The following CUBN variants were observed in gnomAD, a reference collection of about 807,000 sequenced individuals.
The protein encoded by CUBN is 460 kDa receptor.
A neutral mutation model predicts 405.3 loss-of-function variants in CUBN; 282 were observed. That is an observed-to-expected ratio of 0.70 (90% CI 0.63 to 0.77). CUBN has a LOEUF of 0.77. Ranked by LOEUF, CUBN falls within the 30% of genes least tolerant of loss-of-function variation. CUBN has a pLI of 0.00. For missense variants in CUBN, 4,514 were observed against 4,475.2 expected (o/e 1.01, Z -0.25); for synonymous variants, 1,684 against 1,617.0 (o/e 1.04, Z -0.99).
intron 64 of CUBN, 143 bp from the exon 65 acceptor site, chr10:16,831,560 T>G (rs1407520299): frequency 5.3e-6 from 4 of 751,876 alleles, no homozygotes. Flanking sequence ...TTTCTGAAAA[T>G]ACATGCAGAA....
At chr10:16,906,695 G>A (rs1470150333) in intron 49 of CUBN, among the ~76,000 whole-genome samples, 1 of 152,144 alleles carries the variant, frequency 6.6e-6, no homozygotes, top group Non-Finnish European at 1.5e-5. Context: ...GAGGCCTACT[G>A]TTCATTAATA....
chr10:16,998,994 A>G (rs775349464), intron 28 of CUBN, among the ~76,000 whole-genome samples: 8 of 152,222 alleles, frequency 5.3e-5, no homozygotes, highest in Non-Finnish European at 1.2e-4. Context: ...ACTAATTTCT[A>G]TACAGCAGTG....
rs538965955 is a variant in CUBN, at chr10:16,847,227, C to T, written c.9663+4008G>A. ...CAGCACTTTGGGAGGCCGAGGCGGG[C>T]GGATCCCAAGGTCAGGACATCGAGA... On this transcript the variant is annotated intron_variant, in intron 60 of 66. Coordinates refer to ENST00000377833, the MANE Select transcript of CUBN (RefSeq NM_001081.4). Among the ~76,000 whole-genome samples, 51 of 152,150 alleles carry T rather than the reference C, an allele frequency of 3.4e-4. No individual in the cohort carries two copies. The South Asian group carries it at 8.9e-3, about 27-fold the overall frequency.
chr10:16,903,625 T>C (rs1040517715), intron 51 of CUBN, among the ~76,000 whole-genome samples: 1 of 147,956 alleles, frequency 6.8e-6, no homozygotes, highest in Non-Finnish European at 1.5e-5. Flanking sequence ...ACAAAATAAT[T>C]TTAAAATTAT....
intron 6 of CUBN, among the ~76,000 whole-genome samples, chr10:17,115,995 C>T (rs1836886582): frequency 6.6e-6 from 1 of 152,166 alleles, no homozygotes; most frequent in African/African-American, 2.4e-5. Flanking sequence ...GCACAGGCAA[C>T]GTGGGCTACA....
At chr10:17,055,728 C>G (rs1401785992) in intron 22 of CUBN, among the ~76,000 whole-genome samples, 1 of 152,006 alleles carries the variant, frequency 6.6e-6, no homozygotes, top group East Asian at 1.9e-4. Flanking sequence ...TAGAAACATG[C>G]ACAAACTCTA....
chr10:16,940,599 A>G (rs1308106408), intron 36 of CUBN, among the ~76,000 whole-genome samples: 1 of 152,222 alleles, frequency 6.6e-6, no homozygotes, highest in Non-Finnish European at 1.5e-5. Context: ...GCTCTGCAAT[A>G]GCTTGATGGG....
chr10:16,884,283 ACTAT>A (rs1840748677), intron 56 of CUBN, among the ~76,000 whole-genome samples: 1 of 152,202 alleles, frequency 6.6e-6, no homozygotes, highest in East Asian at 1.9e-4. Context: ...TGCCCGGCCT[ACTAT>A]CTAATTTTAA....
chr10:17,062,242 A>G (rs1165095972), intron 22 of CUBN, among the ~76,000 whole-genome samples: 1 of 152,212 alleles, frequency 6.6e-6, no homozygotes, highest in Non-Finnish European at 1.5e-5. Flanking sequence ...TGCAGTTTGA[A>G]AAGCACTGGA....
rs1836722137 is a variant in CUBN, at chr10:17,109,660, G to A, written c.1091C>T (p.Ala364Val). ...SVSNGGCHPD[A>V]SCSSTLGSLP... ...ATTACCTAGAGTTGAGGAGCATGAGGCATCTGGGTGGCAGCCTCCATTACT... is the reference window on the plus strand; with the variant it reads ...ATTACCTAGAGTTGAGGAGCATGAGACATCTGGGTGGCAGCCTCCATTACT... Residue 364 changes from alanine to valine, a missense_variant, in exon 10 of 67, where the codon GCC becomes GTC. By Grantham distance (64) the Ala-to-Val change is moderately conservative. Transcript: ENST00000377833. 1.9e-6 allele frequency: 3 copies of A among 1,613,684 alleles called. No homozygotes were observed. The highest frequency in any genetic ancestry group is 1.3e-5 in the African/African-American group (1 of 74,878).
At chr10:16,896,203 A>C (rs1370410258) in intron 54 of CUBN, among the ~76,000 whole-genome samples, 2 of 152,154 alleles carry the variant, frequency 1.3e-5, no homozygotes, top group Non-Finnish European at 2.9e-5. Flanking sequence ...TATGATTCAC[A>C]AGCTTTATGG....
At chr10:16,865,832 T>A (rs1045386117) in intron 59 of CUBN, among the ~76,000 whole-genome samples, 2 of 152,064 alleles carry the variant, frequency 1.3e-5, no homozygotes, top group African/African-American at 4.8e-5. Context: ...TTTTTGCTCT[T>A]TACAATAAAC....
At chr10:16,884,902 T>G (rs1840767916) in intron 56 of CUBN, among the ~76,000 whole-genome samples, 1 of 152,164 alleles carries the variant, frequency 6.6e-6, no homozygotes, top group Non-Finnish European at 1.5e-5. Context: ...CTGGCTCTGC[T>G]GGGATCCTGG....
At chr10:16,931,097 A>C (rs1184783143) in intron 40 of CUBN, among the ~76,000 whole-genome samples, 4 of 149,856 alleles carry the variant, frequency 2.7e-5, no homozygotes, top group Admixed American at 1.3e-4. Context: ...TCTACTAAAA[A>C]TACAAAAAAA....
At chr10:16,991,804 T>C (rs971962541) in intron 28 of CUBN, among the ~76,000 whole-genome samples, 47 of 152,274 alleles carry the variant, frequency 3.1e-4, no homozygotes, top group African/African-American at 1.1e-3. Context: ...GACTGTAAAC[T>C]AGTTCAACCA....
intron 31 of CUBN, among the ~76,000 whole-genome samples, chr10:16,971,253 C>A (rs947479948): frequency 2.6e-5 from 4 of 152,166 alleles, no homozygotes; most frequent in African/African-American, 9.7e-5. Context: ...ACTGAGACTG[C>A]AGAGATATTA....
intron 27 of CUBN, among the ~76,000 whole-genome samples, chr10:17,039,920 T>C (rs573582047): frequency 6.6e-6 from 1 of 152,342 alleles, no homozygotes; most frequent in African/African-American, 2.4e-5. Flanking sequence ...TCTCTCAAAG[T>C]GCAGAATGCT....
chr10:16,935,608 A>G (rs1051583920), intron 39 of CUBN, among the ~76,000 whole-genome samples: 2 of 151,676 alleles, frequency 1.3e-5, no homozygotes, highest in Non-Finnish European at 2.9e-5. Context: ...GGACGGATGC[A>G]GTGGCTCACG....
intron 31 of CUBN, among the ~76,000 whole-genome samples, chr10:16,980,419 T>G (rs1437639552): frequency 6.6e-6 from 1 of 152,182 alleles, no homozygotes; most frequent in Non-Finnish European, 1.5e-5. Context: ...CTATTCACAA[T>G]GGCAAAGACT....
Sources: allele counts gnomAD v4.1 joint callset (sites outside exome capture counted in the v4.1 genomes callset), GRCh38; gene constraint gnomAD v4.1.1; transcripts MANE v1.5; gene names NCBI Gene and HGNC (gene_info 2026-07-23, HGNC 2026-07-21).